The following ADGRG3 variants were observed in gnomAD, a reference collection of about 807,000 sequenced individuals.
The protein encoded by ADGRG3 is adhesion G protein-coupled receptor G3.
In ADGRG3, 39 loss-of-function variants were observed where a neutral mutation model predicts 54.3. The observed-to-expected ratio is 0.72, with a 90% CI of 0.56 to 0.94. ADGRG3 has a LOEUF of 0.94. Among genes scored for constraint, ADGRG3 ranks in the 40% least tolerant of loss-of-function variants. ADGRG3 has a pLI of 0.00. For missense variants in ADGRG3, 654 were observed against 694.6 expected, an observed-to-expected ratio of 0.94 and a Z score of 0.66; for synonymous variants, 312 against 290.0, an observed-to-expected ratio of 1.08 and a Z score of -0.77.
chr16:57,672,467 T>A (rs1364561707), intron 1 of ADGRG3, among the ~76,000 whole-genome samples: 1 of 152,220 alleles, frequency 6.6e-6, no homozygotes, highest in Non-Finnish European at 1.5e-5. Flanking sequence ...CCGTTAAAGA[T>A]GGTAAACTCT....
chr16:57,684,603 A>G, intron 10 of ADGRG3, 120 bp downstream of exon 10: 1 of 668,234 alleles, frequency 1.5e-6, no homozygotes. Context: ...TGTCAAGACC[A>G]GAAGAATCCT....
In ADGRG3 at chr16:57,678,278, G is replaced by A. The variant is rs149674334; in HGVS notation, c.454G>A (p.Val152Ile). The A allele has an allele frequency of 1.4e-5, 22 of 1,614,074 alleles. No homozygotes were observed. The highest frequency in any genetic ancestry group is 6.7e-5 in the African/African-American group (5 of 74,930). The change falls in exon 4 of 12, where the codon GTC (valine) becomes ATC (isoleucine). Residue 152 changes from valine (V) to isoleucine (I), a missense_variant. Val to Ile is a conservative substitution (Grantham distance 29). Coordinates refer to ENST00000333493, the MANE Select transcript of ADGRG3 (RefSeq NM_170776.5). ...CAACAGGTCTGTGGTCCGCTTGGCCGTCACCATTCTGGACATTGGTCCAGG... is the reference window on the plus strand; with the variant it reads ...CAACAGGTCTGTGGTCCGCTTGGCCATCACCATTCTGGACATTGGTCCAGG... ...PGNRSVVRLA[V>I]TILDIGPGTL...
chr16:57,669,241 T>C (rs1338748877), intron 1 of ADGRG3, among the ~76,000 whole-genome samples: 1 of 152,260 alleles, frequency 6.6e-6, no homozygotes, highest in African/African-American at 2.4e-5. Context: ...TCCCTGTGTG[T>C]CCAGCGTGTG....
intron 2 of ADGRG3, 84 bp downstream of exon 2, chr16:57,673,552 A>C: frequency 7.6e-7 from 1 of 1,309,178 alleles, no homozygotes; most frequent in Non-Finnish European, 1.1e-6. Flanking sequence ...ATCTTCCCCC[A>C]TGGCCCCAGA....
At chr16:57,676,630 A>G (rs1006372810) in intron 3 of ADGRG3, among the ~76,000 whole-genome samples, 4 of 152,220 alleles carry the variant, frequency 2.6e-5, no homozygotes, top group African/African-American at 7.2e-5. Flanking sequence ...TTCACCAGCC[A>G]TTGTGATCAT....
chr16:57,678,366 T>A, intron 4 of ADGRG3, 50 bp downstream of exon 4: 1 of 1,583,730 alleles, frequency 6.3e-7, no homozygotes, highest in Non-Finnish European at 8.7e-7. Context: ...CTCTGGGGGC[T>A]CCATGCCACA....
upstream of ADGRG3, chr16:57,668,092 G>T: frequency 1.8e-6 from 1 of 565,746 alleles, no homozygotes; most frequent in Non-Finnish European, 3.2e-6. Flanking sequence ...GGCCCCGGGG[G>T]CACATACCTG....
chr16:57,667,883 T>G (rs2048083751), upstream of ADGRG3, among the ~76,000 whole-genome samples: 1 of 152,182 alleles, frequency 6.6e-6, no homozygotes. Flanking sequence ...GACACAGCCT[T>G]AGGAGGCAGC....
At chr16:57,678,400 G>A (rs774508906) in intron 4 of ADGRG3, 84 bp downstream of exon 4, 16 of 1,413,178 alleles carry the variant, frequency 1.1e-5, no homozygotes, top group African/African-American at 8.5e-5. Flanking sequence ...GGAGCCTGCC[G>A]AGGGATCCAA....
upstream of ADGRG3, chr16:57,668,203 C>T (rs1013504663): frequency 2.0e-5 from 13 of 652,836 alleles, no homozygotes; most frequent in South Asian, 5.6e-5. Flanking sequence ...CAACCAATGG[C>T]GCCATCGAGC....
At position 57,668,401 on chromosome 16, in the gene ADGRG3, C is replaced by T; in HGVS notation, c.54C>T (p.Thr18=). The change falls in exon 1 of 12, where the codon ACC becomes ACT. Residue 18 remains threonine (T), a synonymous_variant. Coordinates refer to ENST00000333493, the MANE Select transcript of ADGRG3 (RefSeq NM_170776.5). ...GALLLLLLLP[T]SGQEKPTEGP... is the part of the protein sequence containing the mutation. Reference sequence around the variant, plus strand: ...TGCTCCTGCTCCTCCTGCTCCCGACCTCAGGTGAGTGGCTGGCACCTCATC... The same window carrying T: ...TGCTCCTGCTCCTCCTGCTCCCGACTTCAGGTGAGTGGCTGGCACCTCATC... 6.4e-6 allele frequency: 10 copies of T among 1,571,452 alleles called. No individual in the cohort carries two copies. Among genetic ancestry groups the T allele is most frequent in the South Asian group, 1.2e-5 (1 of 86,416 alleles).
chr16:57,668,705 T>TCAGCCA (rs556590551), intron 1 of ADGRG3, among the ~76,000 whole-genome samples: 76 of 152,242 alleles, frequency 5.0e-4, no homozygotes, highest in Middle Eastern at 3.4e-3. Context: ...CTGGGCTGTG[T>TCAGCCA]CTCCCTGACA....
chr16:57,683,927 C>T lies in ADGRG3; in HGVS notation c.882-5C>T. 6.5e-7 allele frequency: 1 copy of T among 1,539,610 alleles called. No homozygotes were observed. Among genetic ancestry groups the T allele is most frequent in the Non-Finnish European group, 8.7e-7 (1 of 1,143,004 alleles). ...CCCCTTGGGGCCTCTTATTTCTCACCCCAGGCTTTCCCGGGAGAGGTTCAA... is the reference window on the plus strand; with the variant it reads ...CCCCTTGGGGCCTCTTATTTCTCACTCCAGGCTTTCCCGGGAGAGGTTCAA... On this transcript the variant is annotated splice_region_variant and splice_polypyrimidine_tract_variant and intron_variant, in intron 8 of 11. Transcript: ENST00000333493.
intron 1 of ADGRG3, 122 bp from the exon 2 acceptor site, chr16:57,673,199 T>C: frequency 1.1e-6 from 1 of 893,556 alleles, no homozygotes; most frequent in South Asian, 1.6e-5. Flanking sequence ...GTTAGTGTGA[T>C]GCATGGAGCT....
At position 57,684,311 on chromosome 16, in the gene ADGRG3, G is replaced by T. The variant is rs2048431189; in HGVS notation, c.1163-79G>T. ...GAGGAGGGGTTCCCAGAGCTGGAGGGATGGCCATCTGGAGGGGACGTGGAG... is the reference window on the plus strand; with the variant it reads ...GAGGAGGGGTTCCCAGAGCTGGAGGTATGGCCATCTGGAGGGGACGTGGAG... On this transcript the variant is annotated intron_variant, in intron 9 of 11. Transcript: ENST00000333493. 3 of 1,564,420 alleles carry T rather than the reference G, an allele frequency of 1.9e-6. No homozygotes were observed. The South Asian group carries it at 3.4e-5, about 18-fold the overall frequency.
chr16:57,682,608 T>G, intron 8 of ADGRG3: 1 of 985,346 alleles, frequency 1.0e-6, no homozygotes, highest in Non-Finnish European at 1.2e-6. Flanking sequence ...CTCCCCAGGG[T>G]GGGGCCTGGC....
At chr16:57,668,092 G>A, upstream of ADGRG3, 2 of 565,744 alleles carry the variant, frequency 3.5e-6, no homozygotes, top group Non-Finnish European at 6.3e-6. Context: ...GGCCCCGGGG[G>A]CACATACCTG....
chr16:57,686,314 G>A (rs1426601296), intron 11 of ADGRG3, among the ~76,000 whole-genome samples: 1 of 152,104 alleles, frequency 6.6e-6, no homozygotes, highest in Non-Finnish European at 1.5e-5. Flanking sequence ...GCAAGGGAGT[G>A]GGGAGGCACC....
chr16:57,675,012 AAGCAGC>A lies in ADGRG3; in HGVS notation c.207-1168_207-1163del, dbSNP rs1555569015. On this transcript the variant is annotated intron_variant, in intron 2 of 11. Transcript: ENST00000333493. ...CTCCATCTCAAAAAAAAAAAAAAAA[AAGCAGC>A]AGCAGCAGCAGCAGCAGCATCTTGT... Among the ~76,000 whole-genome samples, 931 of 115,306 alleles carry A rather than the reference AAGCAGC, an allele frequency of 8.1e-3. 2 individuals carry two copies. Among genetic ancestry groups the A allele is most frequent in the Middle Eastern group, 0.013 (2 of 156 alleles). 75.6% of individuals were successfully genotyped at this position (115,306 alleles called of 152,430 possible).
Sources: allele counts gnomAD v4.1 joint callset (sites outside exome capture counted in the v4.1 genomes callset), GRCh38; gene constraint gnomAD v4.1.1; transcripts MANE v1.5; gene names NCBI Gene and HGNC (gene_info 2026-07-23, HGNC 2026-07-21).